Variants in CRLF3 observed in about 807,000 individuals in gnomAD.
The protein encoded by CRLF3 is cytokine receptor like factor 3.
CRLF3 carries 33 observed loss-of-function variants against 55.0 expected under a neutral mutation model. The observed-to-expected ratio is 0.60, with a 90% CI of 0.46 to 0.80. CRLF3 has a LOEUF of 0.80. CRLF3 is among the 30% of genes least tolerant of loss of function. CRLF3 has a pLI of 0.00. For missense variants in CRLF3, 494 were observed against 538.4 expected, an observed-to-expected ratio of 0.92 and a Z score of 0.82; for synonymous variants, 238 against 196.8, an observed-to-expected ratio of 1.21 and a Z score of -1.75.
chr17:30,823,534 A>G (rs1247835995), intron 1 of CRLF3, among the ~76,000 whole-genome samples: 2 of 151,274 alleles, frequency 1.3e-5, no homozygotes, highest in Admixed American at 1.3e-4. Context: ...AAGTGCTAAG[A>G]CGACCAACTA....
intron 1 of CRLF3, among the ~76,000 whole-genome samples, chr17:30,820,880 T>C (rs538893806): frequency 1.4e-5 from 2 of 140,102 alleles, no homozygotes; most frequent in African/African-American, 5.3e-5. Flanking sequence ...GAAGACATCA[T>C]CTCTACTAAA....
intron 7 of CRLF3, chr17:30,785,085 A>ATTTTTT (rs58719264): frequency 2.0e-5 from 2 of 101,202 alleles, no homozygotes; most frequent in South Asian, 2.9e-4. Context: ...TTGCTAGTGA[A>ATTTTTT]TTTTTTTTTT....
At chr17:30,796,846 C>G (rs1166829523) in intron 3 of CRLF3, among the ~76,000 whole-genome samples, 7 of 151,632 alleles carry the variant, frequency 4.6e-5, no homozygotes, top group Non-Finnish European at 7.4e-5. Flanking sequence ...GCCTCAGCCT[C>G]TCGAGTAGCT....
At chr17:30,785,502 A>T (rs960082267) in intron 7 of CRLF3, among the ~76,000 whole-genome samples, 4 of 151,612 alleles carry the variant, frequency 2.6e-5, no homozygotes, top group Admixed American at 6.6e-5. Context: ...ACTTTCAGCC[A>T]GCCACGGTGG....
chr17:30,795,528 C>T (rs1356991059), intron 4 of CRLF3, among the ~76,000 whole-genome samples: 5 of 150,302 alleles, frequency 3.3e-5, no homozygotes, highest in East Asian at 2.0e-4. Context: ...GTCAGCCAGG[C>T]GGAGTGGCTC....
rs918703228 is a variant in CRLF3 at position 30,783,226 on chromosome 17, C to T, written c.*961G>A. ...ATACTACTGCCATAACTAGTTTTAC[C>T]CTGTAAAAATACTGTAGCCTATACT... is the stretch of plus-strand genomic sequence containing the variant. On this transcript the variant is annotated 3_prime_UTR_variant, in exon 8 of 8. Transcript: ENST00000324238. The T allele has an allele frequency of 9.2e-5, 14 of 152,088 alleles. No homozygotes were observed. The highest frequency in any genetic ancestry group is 3.1e-4 in the African/African-American group (13 of 41,416). The allele number at this position is 152,088 out of a possible 1,614,324, so 9.4% of individuals were successfully genotyped here. A position where few individuals can be genotyped will look rare whatever the true frequency, so the allele number is the denominator to read the frequency against.
intron 3 of CRLF3, 64 bp from the exon 4 acceptor site, chr17:30,796,401 T>C: frequency 1.5e-6 from 2 of 1,342,006 alleles, no homozygotes; most frequent in Non-Finnish European, 2.0e-6. Flanking sequence ...ACAAGAAATA[T>C]TTTAGAGCAG....
intron 1 of CRLF3, 126 bp from the exon 2 acceptor site, chr17:30,804,234 CTG>C: frequency 1.5e-6 from 1 of 660,814 alleles, no homozygotes; most frequent in Non-Finnish European, 2.6e-6. Context: ...AAAAGATTAA[CTG>C]AAATTATATT....
intron 1 of CRLF3, among the ~76,000 whole-genome samples, chr17:30,814,929 G>A (rs1904739338): frequency 6.6e-6 from 1 of 151,786 alleles, no homozygotes; most frequent in African/African-American, 2.4e-5. Context: ...TGAACCCCCG[G>A]GAGGCGGAAG....
At chr17:30,797,877 C>T (rs1443153093) in intron 2 of CRLF3, among the ~76,000 whole-genome samples, 1 of 149,294 alleles carries the variant, frequency 6.7e-6, no homozygotes, top group African/African-American at 2.5e-5. Flanking sequence ...CAGGTTCAAG[C>T]AATCCTCCCA....
chr17:30,800,752 G>A (rs889662947), intron 2 of CRLF3, among the ~76,000 whole-genome samples: 31 of 150,488 alleles, frequency 2.1e-4, no homozygotes, highest in African/African-American at 6.8e-4. Flanking sequence ...GACAACTTGT[G>A]TGTGCCACCA....
chr17:30,793,399 GGTATTCTAATATATA>G, intron 5 of CRLF3, 36 bp downstream of exon 5: 1 of 1,366,444 alleles, frequency 7.3e-7, no homozygotes, highest in Non-Finnish European at 1.0e-6. Context: ...ACAGAATACA[GGTATTCTAATATATA>G]GTTAGGCTTC....
chr17:30,797,849 A>C (rs577702795), intron 2 of CRLF3, among the ~76,000 whole-genome samples: 15 of 144,924 alleles, frequency 1.0e-4, no homozygotes, highest in Admixed American at 7.8e-4. Context: ...ATCATAACTC[A>C]CTGCAGCCTT....
At chr17:30,785,802 AG>A (rs942404505) in intron 7 of CRLF3, 116 bp downstream of exon 7, 3 of 595,844 alleles carry the variant, frequency 5.0e-6, no homozygotes, top group South Asian at 2.3e-5. Flanking sequence ...AAAAAGAAAA[AG>A]AAAAATACCT....
rs746356501 is a variant in CRLF3 at position 30,783,456 on chromosome 17, A to AGT, written c.*730_*731insAC. The AGT allele has an allele frequency of 2.6e-5, 4 of 152,126 alleles. No homozygotes were observed. Among genetic ancestry groups the AGT allele is most frequent in the Non-Finnish European group, 5.9e-5 (4 of 68,042 alleles). 9.4% of individuals were successfully genotyped at this position (152,126 alleles called of 1,614,324 possible). A position where few individuals can be genotyped will look rare whatever the true frequency, so the allele number is the denominator to read the frequency against. On this transcript the variant is annotated 3_prime_UTR_variant, in exon 8 of 8. Transcript: ENST00000324238. ...ACATGGTGAAACCCTGTCTCTACTA[A>AGT]AAATACAAAAATTAGCCAGGTGTGG...
intron 2 of CRLF3, 96 bp downstream of exon 2, chr17:30,803,805 T>C: frequency 3.2e-6 from 3 of 942,612 alleles, no homozygotes; most frequent in Non-Finnish European, 5.1e-6. Context: ...TCATTAAACC[T>C]CTTTCTTTTG....
intron 1 of CRLF3, among the ~76,000 whole-genome samples, chr17:30,807,267 G>A (rs1904436328): frequency 6.6e-6 from 1 of 151,540 alleles, no homozygotes; most frequent in Non-Finnish European, 1.5e-5. Flanking sequence ...TAAAGTATAA[G>A]AAAAATCCAC....
At chr17:30,793,725 C>T (rs1971860445) in intron 4 of CRLF3, 53 bp from the exon 5 acceptor site, 2 of 1,318,574 alleles carry the variant, frequency 1.5e-6, no homozygotes, top group Non-Finnish European at 2.1e-6. Flanking sequence ...CTTCTCTCAG[C>T]ATCACTGCTT....
rs748727519 is a variant in CRLF3, at chr17:30,793,705, CAG to C, written c.604-35_604-34del. ...GAAAAGCTTTATGTTAGGTAAAAAA[CAG>C]AAAATGACTTCTCTCAGCATCACTG... On this transcript the variant is annotated intron_variant, in intron 4 of 7. Transcript: ENST00000324238. 1.4e-5 allele frequency: 20 copies of C among 1,474,984 alleles called. No individual in the cohort carries two copies. The South Asian group carries it at 2.1e-4, about 16-fold the overall frequency. The allele number at this position is 1,474,984 out of a possible 1,614,324, so 91.4% of individuals were successfully genotyped here.
Sources: allele counts gnomAD v4.1 joint callset (sites outside exome capture counted in the v4.1 genomes callset), GRCh38; gene constraint gnomAD v4.1.1; transcripts MANE v1.5; gene names NCBI Gene and HGNC (gene_info 2026-07-23, HGNC 2026-07-21).